The following ADAMTS3 variants were observed in gnomAD, a reference collection of about 807,000 sequenced individuals.
ADAMTS3 encodes A disintegrin and metalloproteinase with thrombospondin motifs 3.
Under a neutral mutation model 129.0 loss-of-function variants are expected in ADAMTS3, and 73 were observed. The ratio of observed to expected loss-of-function variants is 0.57; its 90% confidence interval spans 0.47 to 0.69. The LOEUF is 0.69. Ranked by LOEUF, ADAMTS3 falls within the 30% of genes least tolerant of loss-of-function variation. The pLI is 0.00. For synonymous variants in ADAMTS3, 477 were observed against 510.8 expected (o/e 0.93, Z 0.89); for missense variants, 1,457 against 1,514.5 (o/e 0.96, Z 0.63).
chr4:72,539,491 G>GAA (rs71215438), intron 3 of ADAMTS3, among the ~76,000 whole-genome samples: 2,275 of 86,546 alleles, frequency 0.026, 90 homozygotes, highest in Non-Finnish European at 0.032. Context: ...GCTACTATCA[G>GAA]AAAAAAAAAA....
chr4:72,304,427 T>C (rs920313942), intron 16 of ADAMTS3, among the ~76,000 whole-genome samples: 2 of 152,156 alleles, frequency 1.3e-5, no homozygotes, highest in Admixed American at 6.6e-5. Context: ...TTGAAAATGA[T>C]AGCTACCTTT....
chr4:72,568,215 G>C (rs994753871), intron 1 of ADAMTS3, among the ~76,000 whole-genome samples: 13 of 152,102 alleles, frequency 8.5e-5, no homozygotes, highest in African/African-American at 3.1e-4. Flanking sequence ...AGGACTTCCT[G>C]AAACCCCCGC....
chr4:72,430,647 G>A (rs1481668), intron 3 of ADAMTS3, among the ~76,000 whole-genome samples: 2 of 151,698 alleles, frequency 1.3e-5, no homozygotes, highest in African/African-American at 2.4e-5. Flanking sequence ...TATGCTCTAA[G>A]TTTGAGGTGA....
At chr4:72,309,944 C>G (rs915836802) in intron 14 of ADAMTS3, among the ~76,000 whole-genome samples, 4 of 152,002 alleles carry the variant, frequency 2.6e-5, no homozygotes, top group African/African-American at 9.7e-5. Context: ...TGAGACAAAA[C>G]TTCACCAGGG....
intron 2 of ADAMTS3, among the ~76,000 whole-genome samples, chr4:72,560,512 C>T (rs944308622): frequency 1.3e-5 from 2 of 152,046 alleles, no homozygotes; most frequent in Admixed American, 6.6e-5. Context: ...GCCACAAAAA[C>T]GAACAAGATC....
In ADAMTS3 at chr4:72,472,779, C is replaced by A. The variant is rs543096246; in HGVS notation, c.505-57808G>T. Among the ~76,000 whole-genome samples, 158 of 152,168 alleles carry A rather than the reference C, an allele frequency of 1.0e-3. 2 individuals are homozygous for A. Among genetic ancestry groups the A allele is most frequent in the African/African-American group, 3.4e-3 (140 of 41,534 alleles). On this transcript the variant is annotated intron_variant, in intron 3 of 21. Coordinates refer to ENST00000286657, the MANE Select transcript of ADAMTS3 (RefSeq NM_014243.3). Reference sequence around the variant, plus strand: ...GTCAAAATGAAGGGTAAAATAAATTCTTTATTCATGGATAGCTTATGTTGA... The same window carrying A: ...GTCAAAATGAAGGGTAAAATAAATTATTTATTCATGGATAGCTTATGTTGA...
At chr4:72,425,642 C>T (rs186817369) in intron 3 of ADAMTS3, among the ~76,000 whole-genome samples, 44 of 152,214 alleles carry the variant, frequency 2.9e-4, no homozygotes, top group South Asian at 8.3e-4. Flanking sequence ...GCTTCATCCA[C>T]GTCCCTAAAA....
At chr4:72,558,537 A>G (rs931868306) in intron 2 of ADAMTS3, among the ~76,000 whole-genome samples, 1 of 151,708 alleles carries the variant, frequency 6.6e-6, no homozygotes, top group Admixed American at 6.5e-5. Flanking sequence ...CCTCAATTCC[A>G]TCTGCAAACT....
At chr4:72,433,022 TC>T in intron 3 of ADAMTS3, among the ~76,000 whole-genome samples, 1 of 152,102 alleles carries the variant, frequency 6.6e-6, no homozygotes, top group South Asian at 2.1e-4. Context: ...GAAATCCTAC[TC>T]TGTTTATAGG....
At chr4:72,515,295 T>C (rs1475157871) in intron 3 of ADAMTS3, among the ~76,000 whole-genome samples, 7 of 151,338 alleles carry the variant, frequency 4.6e-5, no homozygotes, top group East Asian at 3.9e-4. Flanking sequence ...GCAATAAACA[T>C]ACATGTGCAT....
At position 72,531,834 on chromosome 4, in the gene ADAMTS3, G is replaced by T. The variant is rs557695634; in HGVS notation, c.504+16644C>A. On this transcript the variant is annotated intron_variant, in intron 3 of 21. Coordinates refer to ENST00000286657, the MANE Select transcript of ADAMTS3 (RefSeq NM_014243.3). Reference sequence around the variant, plus strand: ...AACCAAGGATCAGACACATTAGGTGGCTTGTCTAAGTTCACACAGTTTCTG... The same window carrying T: ...AACCAAGGATCAGACACATTAGGTGTCTTGTCTAAGTTCACACAGTTTCTG... 4.5e-4 allele frequency among the ~76,000 whole-genome samples: 68 copies of T among 152,268 alleles called. No individual in the cohort carries two copies. The South Asian group carries it at 8.9e-3, about 20-fold the overall frequency.
chr4:72,363,509 A>AT (rs1429387124), intron 4 of ADAMTS3, among the ~76,000 whole-genome samples: 3 of 152,090 alleles, frequency 2.0e-5, no homozygotes, highest in East Asian at 1.9e-4. Flanking sequence ...TCCCAGTGAA[A>AT]TTTTTTTGCA....
intron 4 of ADAMTS3, among the ~76,000 whole-genome samples, chr4:72,371,966 A>T (rs1043416263): frequency 2.0e-5 from 3 of 152,176 alleles, no homozygotes; most frequent in Admixed American, 6.5e-5. Flanking sequence ...AGAAATCAAA[A>T]GCAAAAAGAT....
intron 3 of ADAMTS3, among the ~76,000 whole-genome samples, chr4:72,471,324 T>C (rs1719066817): frequency 6.6e-6 from 1 of 152,130 alleles, no homozygotes; most frequent in East Asian, 1.9e-4. Flanking sequence ...TGCAATAACT[T>C]CTAACTCCAT....
At chr4:72,456,632 G>A (rs569574353) in intron 3 of ADAMTS3, among the ~76,000 whole-genome samples, 83 of 150,960 alleles carry the variant, frequency 5.5e-4, no homozygotes, top group Non-Finnish European at 9.2e-4. Flanking sequence ...CAAAAATGCC[G>A]CATAACTCAC....
intron 3 of ADAMTS3, among the ~76,000 whole-genome samples, chr4:72,509,422 A>G (rs1578745406): frequency 6.6e-6 from 1 of 151,846 alleles, no homozygotes; most frequent in African/African-American, 2.4e-5. Context: ...AAAATCAGAA[A>G]TGAAAAACAG....
chr4:72,463,126 C>T (rs137884901), intron 3 of ADAMTS3, among the ~76,000 whole-genome samples: 1,522 of 151,988 alleles, frequency 0.01, 24 homozygotes, highest in South Asian at 0.063. Context: ...AAACTTACCA[C>T]TGTGTTATAA....
chr4:72,291,713 G>A (rs1291998253), intron 19 of ADAMTS3, among the ~76,000 whole-genome samples: 3 of 151,744 alleles, frequency 2.0e-5, no homozygotes, highest in South Asian at 2.1e-4. Context: ...ATAAACATAC[G>A]TGTGCATGTG....
intron 4 of ADAMTS3, among the ~76,000 whole-genome samples, chr4:72,379,437 G>GA (rs5859315): frequency 3.9e-3 from 510 of 132,362 alleles, no homozygotes; most frequent in South Asian, 0.022. Flanking sequence ...TAAACAGTTT[G>GA]AAAAAAAAAA....
Sources: gnomAD v4.1 joint callset for allele counts (sites outside exome capture counted in the v4.1 genomes callset) on GRCh38, gnomAD v4.1.1 for gene constraint, MANE v1.5 for transcripts, NCBI Gene and HGNC (gene_info 2026-07-23, HGNC 2026-07-21) for gene names.